ARFGEF2: variants seen among roughly 807,000 people sequenced by gnomAD.
ARFGEF2 encodes brefeldin A-inhibited guanine nucleotide-exchange protein 2.
A neutral mutation model predicts 219.9 loss-of-function variants in ARFGEF2; 74 were observed. That is an observed-to-expected ratio of 0.34 (90% CI 0.28 to 0.41). The LOEUF (loss-of-function observed/expected upper bound fraction) is 0.41, where lower values mean the gene tolerates loss of function less well. ARFGEF2 is among the 10% of genes least tolerant of loss of function. ARFGEF2 has a pLI of 1.00. For missense variants in ARFGEF2, 1,743 were observed against 2,218.3 expected (o/e 0.79, Z 4.30); for synonymous variants, 733 against 799.2 (o/e 0.92, Z 1.40).
In ARFGEF2 at chr20:49,013,929, A is replaced by G; in HGVS notation, c.4148A>G (p.Asp1383Gly). ...TTCAGAATCGTGTTTCGGATTTTTG[A>G]CAATATGAAACTCCCTGAGCAACTG... The part of the protein sequence containing the change: ...DLFRIVFRIF[D>G]NMKLPEQLSE... The change falls in exon 30 of 39, where the codon GAC becomes GGC. Residue 1383 changes from aspartate to glycine, a missense_variant. By Grantham distance (94) the Asp-to-Gly change is moderately conservative. This residue lies in a region of ARFGEF2 where 578 missense variants were observed against 664.0 expected (regional missense o/e 0.87). Coordinates refer to ENST00000371917, the MANE Select transcript of ARFGEF2 (RefSeq NM_006420.3). 3 of 1,614,058 alleles carry G rather than the reference A, an allele frequency of 1.9e-6. No individual in the cohort carries two copies. The highest frequency in any genetic ancestry group is 1.7e-6 in the Non-Finnish European group (2 of 1,179,980).
intron 3 of ARFGEF2, among the ~76,000 whole-genome samples, chr20:48,950,810 AAATATATATATATATATATATATAT>A (rs1414506775): frequency 9.7e-5 from 4 of 41,124 alleles, no homozygotes; most frequent in East Asian, 4.8e-4. Flanking sequence ...AAAAAAAAAA[AAATATATATATATATATATATATAT>A]ATATATATAT....
chr20:48,960,546 C>T (rs986368809), intron 6 of ARFGEF2, among the ~76,000 whole-genome samples: 1 of 151,624 alleles, frequency 6.6e-6, no homozygotes, highest in Non-Finnish European at 1.5e-5. Context: ...TGCAGTGGCA[C>T]GATCACTGCT....
intron 30 of ARFGEF2, 64 bp downstream of exon 30, chr20:49,014,024 T>C: frequency 1.2e-6 from 2 of 1,605,790 alleles, no homozygotes; most frequent in South Asian, 1.1e-5. Context: ...GGCCGGTATT[T>C]GCCTCTGGGG....
intron 30 of ARFGEF2, 94 bp from the exon 31 acceptor site, chr20:49,016,186 T>C (rs910593565): frequency 3.0e-6 from 4 of 1,353,916 alleles, no homozygotes; most frequent in Non-Finnish European, 4.2e-6. Context: ...TATCACCAAA[T>C]TGCTTTCTAC....
chr20:48,961,438 G>C lies in ARFGEF2; in HGVS notation c.839-2392G>C, dbSNP rs925477230. Among the ~76,000 whole-genome samples the C allele has an allele frequency of 4.6e-5, 7 of 151,928 alleles. No individual in the cohort carries two copies. In the South Asian group the frequency reaches 1.5e-3, roughly 32 times the overall value. ...CTTGTCCCTTGGAAGGTCTTCAGGG[G>C]CAATAACACACATGAAGTTGGTATC... On this transcript the variant is annotated intron_variant, in intron 6 of 38. Transcript: ENST00000371917.
chr20:48,951,613 G>A (rs570367778), intron 4 of ARFGEF2, 144 bp downstream of exon 4: 1 of 1,169,342 alleles, frequency 8.6e-7, no homozygotes, highest in South Asian at 1.3e-5. Flanking sequence ...TAGATCTTTT[G>A]TTAGGTGTCA....
At position 49,012,078 on chromosome 20, in the gene ARFGEF2, G is replaced by A. The variant is rs542819649; in HGVS notation, c.3912G>A (p.Arg1304=). ...TCTGTGGCAAATACGTCTCTGAGAG[G>A]CCTCGGGTTCGTTTTTCCCCACCTT... ...IRFCGKYVSE[R]PRVLQEYTSD... is the part of the protein sequence containing the mutation. Residue 1304 remains arginine, a synonymous_variant, in exon 28 of 39, where the codon AGG becomes AGA. Transcript: ENST00000371917. The A allele has an allele frequency of 5.0e-6, 8 of 1,614,228 alleles. No homozygotes were observed. The highest frequency in any genetic ancestry group is 1.3e-5 in the African/African-American group (1 of 75,074).
At chr20:48,941,174 G>A (rs368083068) in intron 1 of ARFGEF2, 25 bp from the exon 2 acceptor site, 1 of 1,608,902 alleles carries the variant, frequency 6.2e-7, no homozygotes, top group African/African-American at 1.3e-5. Context: ...TTTTCCTAAT[G>A]TGTTTTTTCT....
At chr20:48,986,769 A>C (rs1477621963) in intron 16 of ARFGEF2, among the ~76,000 whole-genome samples, 1 of 152,200 alleles carries the variant, frequency 6.6e-6, no homozygotes, top group East Asian at 1.9e-4. Flanking sequence ...GGGTGATCAC[A>C]GATCACTGCA....
Position 49,036,031 on chromosome 20 carries a change from G to C in ARFGEF2, c.*2832G>C, listed in dbSNP as rs75858332. The C allele has an allele frequency of 2.6e-6, 1 of 389,718 alleles. No individual in the cohort carries two copies. Among genetic ancestry groups the C allele is most frequent in the Non-Finnish European group, 4.5e-6 (1 of 222,174 alleles). 24.1% of individuals were successfully genotyped at this position (389,718 alleles called of 1,614,324 possible). ...CCTGTATTTTTTTTGTTGTTCTTTTGTGATTAAGGATATACATTTAGTAGT... is the reference window on the plus strand; with the variant it reads ...CCTGTATTTTTTTTGTTGTTCTTTTCTGATTAAGGATATACATTTAGTAGT... On this transcript the variant is annotated 3_prime_UTR_variant, in exon 39 of 39. Coordinates refer to ENST00000371917, the MANE Select transcript of ARFGEF2 (RefSeq NM_006420.3).
chr20:48,985,430 G>A lies in ARFGEF2; in HGVS notation c.2093G>A (p.Gly698Glu). ...CAGACCCAAGTAGGCGATTTTCTGGGAGATAGCGCAAGGTTCAACAAGGAG... is the reference window on the plus strand; with the variant it reads ...CAGACCCAAGTAGGCGATTTTCTGGAAGATAGCGCAAGGTTCAACAAGGAG... ...LDSTQVGDFL[G>E]DSARFNKEVM... The change falls in exon 16 of 39, where the codon GGA becomes GAA. Residue 698 changes from glycine (G) to glutamate (E), a missense_variant. This residue lies in a region of ARFGEF2 where 666 missense variants were observed against 955.4 expected (regional missense o/e 0.70). Transcript: ENST00000371917. 6.2e-7 allele frequency: 1 copy of A among 1,614,146 alleles called. No individual in the cohort carries two copies. Among genetic ancestry groups the A allele is most frequent in the Non-Finnish European group, 8.5e-7 (1 of 1,180,024 alleles).
At position 48,953,720 on chromosome 20, in the gene ARFGEF2, C is replaced by T; in HGVS notation, c.768C>T (p.Ala256=). ...EKTDLTNGEH[A]RSDSGKVSTE... Reference sequence around the variant, plus strand: ...CAGATTTAACCAACGGTGAACATGCCAGGAGTGATTCTGGAAAAGTAAGCA... The same window carrying T: ...CAGATTTAACCAACGGTGAACATGCTAGGAGTGATTCTGGAAAAGTAAGCA... The change falls in exon 6 of 39, where the codon GCC becomes GCT. Residue 256 remains alanine, a synonymous_variant. Transcript: ENST00000371917. The T allele has an allele frequency of 6.2e-7, 1 of 1,614,112 alleles. No homozygotes were observed. Among genetic ancestry groups the T allele is most frequent in the Non-Finnish European group, 8.5e-7 (1 of 1,180,026 alleles).
intron 6 of ARFGEF2, among the ~76,000 whole-genome samples, chr20:48,963,449 C>T (rs574784762): frequency 5.3e-5 from 8 of 152,130 alleles, no homozygotes; most frequent in Non-Finnish European, 8.8e-5. Context: ...CGTTGGTCCC[C>T]GAGGCTAAGG....
intron 6 of ARFGEF2, among the ~76,000 whole-genome samples, chr20:48,960,454 A>G (rs1164019084): frequency 1.3e-5 from 2 of 151,566 alleles, no homozygotes; most frequent in African/African-American, 2.4e-5. Context: ...AACACTGTAC[A>G]CTTAGGCTAC....
In ARFGEF2 at chr20:48,942,271, T is replaced by C. The variant is rs542300899; in HGVS notation, c.276+284T>C. The stretch of plus-strand genomic sequence containing the variant: ...AAACCTTTAGCATTAATTGGAATAT[T>C]TGACACACATGGGCACATAAGGCAT... On this transcript the variant is annotated intron_variant, in intron 3 of 38. Transcript: ENST00000371917. Among the ~76,000 whole-genome samples, 268 of 152,290 alleles carry C rather than the reference T, an allele frequency of 1.8e-3. 1 individual carries two copies. Among genetic ancestry groups the C allele is most frequent in the African/African-American group, 5.9e-3 (247 of 41,554 alleles).
In ARFGEF2 at chr20:48,922,000, G is replaced by C. The variant is rs892511786; in HGVS notation, c.111G>C (p.Gln37His). 3.2e-6 allele frequency: 5 copies of C among 1,577,524 alleles called. No individual in the cohort carries two copies. In the African/African-American group the frequency reaches 4.0e-5, roughly 13 times the overall value. The change falls in exon 1 of 39, where the codon CAG becomes CAC. Residue 37 changes from glutamine (Q) to histidine (H), a missense_variant. Physicochemically the swap from Gln to His is conservative, Grantham distance 24. Coordinates refer to ENST00000371917, the MANE Select transcript of ARFGEF2 (RefSeq NM_006420.3). Reference protein sequence around the residue: ...PQHSQLRRACQVALDEIKAEI... With the variant: ...PQHSQLRRACHVALDEIKAEI... ...ACTCCCAGCTGCGCAGGGCCTGCCAGGTGGCGCTCGGTGGGTGAGCCGCTC... is the reference window on the plus strand; with the variant it reads ...ACTCCCAGCTGCGCAGGGCCTGCCACGTGGCGCTCGGTGGGTGAGCCGCTC...
intron 14 of ARFGEF2, among the ~76,000 whole-genome samples, chr20:48,982,935 C>T (rs6019569): frequency 0.14 from 21,220 of 152,154 alleles, 1,955 homozygotes; most frequent in East Asian, 0.37. Context: ...GAAAATCCTC[C>T]GACCCCTTAC....
intron 6 of ARFGEF2, among the ~76,000 whole-genome samples, chr20:48,955,266 T>C (rs2091098879): frequency 6.6e-6 from 1 of 152,230 alleles, no homozygotes; most frequent in African/African-American, 2.4e-5. Context: ...CCTTTGCACT[T>C]ACTGTCCCTT....
intron 6 of ARFGEF2, among the ~76,000 whole-genome samples, chr20:48,963,082 G>A (rs1293790148): frequency 4.0e-5 from 6 of 151,072 alleles, no homozygotes; most frequent in South Asian, 2.1e-4. Flanking sequence ...GTGAGGAGGC[G>A]GGAGGATTGC....
Sources: gnomAD v4.1 joint callset for allele counts (sites outside exome capture counted in the v4.1 genomes callset) on GRCh38, gnomAD v4.1.1 for gene constraint, gnomAD v4.1.1 regional missense constraint, MANE v1.5 for transcripts, NCBI Gene and HGNC (gene_info 2026-07-23, HGNC 2026-07-21) for gene names.